Variants in GPC3 observed in about 807,000 individuals in gnomAD.
The protein encoded by GPC3 is glypican 3.
Under a neutral mutation model 34.4 loss-of-function variants are expected in GPC3, and 3 were observed. The observed-to-expected ratio is 0.09, with a 90% CI of 0.04 to 0.23. The LOEUF is 0.23. GPC3 is among the 10% of genes least tolerant of loss of function. GPC3 has a pLI of 1.00. For synonymous variants in GPC3, 177 were observed against 174.0 expected, an observed-to-expected ratio of 1.02 and a Z score of -0.13; for missense variants, 351 against 445.6, an observed-to-expected ratio of 0.79 and a Z score of 1.91.
chrX:133,795,934 T>G (rs7892416), intron 2 of GPC3, among the ~76,000 whole-genome samples: 2,827 of 106,695 alleles, frequency 0.026, 109 homozygotes, highest in African/African-American at 0.093. Flanking sequence ...AAGAGCCATT[T>G]TCTTTTTCCT....
In GPC3 at chrX:133,695,621, A is replaced by T. The variant is rs1367203268; in HGVS notation, c.1167-3127T>A. On this transcript the variant is annotated intron_variant, in intron 4 of 7. Transcript: ENST00000370818. ...CACATAGGTGGTGAGGGAAGAAAAG[A>T]GAAATTTGTAAAAGCTGCAGCTTCA... Among the ~76,000 whole-genome samples, 3 of 112,233 alleles carry T rather than the reference A, an allele frequency of 2.7e-5. No individual in the cohort carries two copies. The East Asian group carries it at 8.4e-4, about 31-fold the overall frequency.
intron 2 of GPC3, among the ~76,000 whole-genome samples, chrX:133,862,939 T>C (rs1344941510): frequency 1.2e-4 from 13 of 112,709 alleles, no homozygotes; most frequent in Non-Finnish European, 2.4e-4. Context: ...TTGCATACTG[T>C]AGAAGCCGTT....
intron 1 of GPC3, among the ~76,000 whole-genome samples, chrX:133,978,827 T>A (rs182357958): frequency 8.9e-6 from 1 of 112,107 alleles, no homozygotes; most frequent in Non-Finnish European, 1.9e-5. Context: ...CTCAAGATGA[T>A]CACAGTCTAG....
intron 2 of GPC3, among the ~76,000 whole-genome samples, chrX:133,773,663 C>T (rs907655527): frequency 2.7e-5 from 3 of 111,751 alleles, no homozygotes; most frequent in African/African-American, 9.8e-5. Context: ...TGAAGGACTT[C>T]AGCCATGGAA....
intron 2 of GPC3, among the ~76,000 whole-genome samples, chrX:133,903,521 G>A (rs771800423): frequency 1.5e-4 from 16 of 109,738 alleles, no homozygotes; most frequent in Admixed American, 1.3e-3. Context: ...CCCGGGAGGC[G>A]GAAGTGGCAG....
At chrX:133,908,620 C>T (rs1490037208) in intron 2 of GPC3, among the ~76,000 whole-genome samples, 1 of 111,857 alleles carries the variant, frequency 8.9e-6, no homozygotes, top group East Asian at 2.8e-4. Flanking sequence ...CTTCTGGATA[C>T]ATTCAACTTT....
At chrX:133,592,014 G>A (rs1231706952) in intron 7 of GPC3, among the ~76,000 whole-genome samples, 1 of 111,235 alleles carries the variant, frequency 9.0e-6, no homozygotes, top group Non-Finnish European at 1.9e-5. Flanking sequence ...AAAAGAGTCA[G>A]AGTAGGCTTG....
intron 7 of GPC3, among the ~76,000 whole-genome samples, chrX:133,589,192 T>C (rs1024989664): frequency 9.0e-6 from 1 of 111,272 alleles, no homozygotes; most frequent in African/African-American, 3.3e-5. Flanking sequence ...TTGCTTTTAG[T>C]ATTGATGATA....
chrX:133,961,874 C>T (rs1462199147), intron 1 of GPC3, among the ~76,000 whole-genome samples: 1 of 112,033 alleles, frequency 8.9e-6, no homozygotes, highest in Non-Finnish European at 1.9e-5. Flanking sequence ...CAACTAACAA[C>T]AGCCTCCAAA....
chrX:133,866,696 T>C (rs1046272135), intron 2 of GPC3, among the ~76,000 whole-genome samples: 1 of 111,864 alleles, frequency 8.9e-6, no homozygotes, highest in African/African-American at 3.3e-5. Context: ...AAGAAAAAAC[T>C]AAAGTCATTT....
intron 1 of GPC3, among the ~76,000 whole-genome samples, chrX:133,974,203 C>T (rs745371949): frequency 2.6e-4 from 29 of 111,341 alleles, no homozygotes; most frequent in Non-Finnish European, 4.3e-4. Context: ...GTACATGCCA[C>T]TATGCCCAGC....
intron 2 of GPC3, among the ~76,000 whole-genome samples, chrX:133,794,733 G>T (rs2075569321): frequency 8.9e-6 from 1 of 111,967 alleles, no homozygotes; most frequent in Non-Finnish European, 1.9e-5. Context: ...CTTCCTTATG[G>T]TAACAGGTTG....
chrX:133,868,278 C>T (rs1324924130), intron 2 of GPC3, among the ~76,000 whole-genome samples: 1 of 112,175 alleles, frequency 8.9e-6, no homozygotes, highest in Non-Finnish European at 1.9e-5. Flanking sequence ...TGTCTGCATG[C>T]TCCCCCTCCT....
intron 2 of GPC3, among the ~76,000 whole-genome samples, chrX:133,835,455 C>CT (rs1276727904): frequency 1.8e-5 from 2 of 111,817 alleles, no homozygotes; most frequent in Non-Finnish European, 3.8e-5. Context: ...ATGAGCCATC[C>CT]TTTTTCTGCA....
chrX:133,714,372 A>T (rs2071296140), intron 3 of GPC3, among the ~76,000 whole-genome samples: 1 of 111,819 alleles, frequency 8.9e-6, no homozygotes, highest in African/African-American at 3.2e-5. Context: ...TGAGTGTCTG[A>T]TTCCTTTATT....
chrX:133,975,760 A>C (rs938669403), intron 1 of GPC3, among the ~76,000 whole-genome samples: 4 of 112,431 alleles, frequency 3.6e-5, no homozygotes, highest in Non-Finnish European at 3.7e-5. Context: ...AGTAAGAATA[A>C]ATTTTAAAAA....
intron 7 of GPC3, among the ~76,000 whole-genome samples, chrX:133,558,635 G>A (rs2124286867): frequency 9.0e-6 from 1 of 110,963 alleles, no homozygotes; most frequent in South Asian, 3.8e-4. Flanking sequence ...GCTCACGCCT[G>A]TAATCCCAGC....
intron 2 of GPC3, among the ~76,000 whole-genome samples, chrX:133,900,421 T>C (rs1237977918): frequency 3.6e-5 from 4 of 111,980 alleles, no homozygotes; most frequent in Non-Finnish European, 5.6e-5. Context: ...GCAGCAACTC[T>C]ACACACTTTT....
intron 2 of GPC3, among the ~76,000 whole-genome samples, chrX:133,945,403 T>C (rs1339263184): frequency 3.7e-5 from 4 of 108,389 alleles, no homozygotes; most frequent in Non-Finnish European, 7.7e-5. Context: ...ATAATAATAA[T>C]AATAATTTGA....
Sources: allele counts gnomAD v4.1 joint callset (sites outside exome capture counted in the v4.1 genomes callset), GRCh38; gene constraint gnomAD v4.1.1; transcripts MANE v1.5; gene names NCBI Gene and HGNC (gene_info 2026-07-23, HGNC 2026-07-21).